Variants in TLR5 observed in about 807,000 individuals in gnomAD.
TLR5 encodes the protein toll-like receptor 5.
For synonymous variants in TLR5, 373 were observed against 384.4 expected (o/e 0.97, Z 0.35); for missense variants, 944 against 999.8 (o/e 0.94, Z 0.75).
At chr1:223,136,338 C>T (rs940135665) in intron 3 of TLR5, among the ~76,000 whole-genome samples, 2 of 152,088 alleles carry the variant, frequency 1.3e-5, no homozygotes, top group African/African-American at 2.4e-5. Context: ...TACCTGCACC[C>T]GAGCCCCTGG....
chr1:223,111,306 T>C lies in TLR5; in HGVS notation c.1726A>G (p.Ile576Val), dbSNP rs1377392277. The change falls in exon 6 of 6, where the codon ATA becomes GTA. Residue 576 changes from isoleucine to valine, a missense_variant. Transcript: ENST00000642603. ...TCACAAATGAACTTGTTATGAGTTA[T>C]ATCCAAGACACTAAGTGATACAAAT... ...DVFVSLSVLD[I>V]THNKFICECE... 1.9e-6 allele frequency: 3 copies of C among 1,614,164 alleles called. No individual in the cohort carries two copies. The highest frequency in any genetic ancestry group is 2.5e-6 in the Non-Finnish European group (3 of 1,180,032).
At position 223,137,706 on chromosome 1, in the gene TLR5, A is replaced by C. The variant is rs554650892; in HGVS notation, c.-438-443T>G. 1.7e-4 allele frequency among the ~76,000 whole-genome samples: 26 copies of C among 152,342 alleles called. 1 individual carries two copies. In the South Asian group the frequency reaches 2.9e-3, roughly 17 times the overall value. ...TAAATGAAATATAACCAAGTGAACA[A>C]TATGAATATTTATCCATATTCCTTT... is the stretch of plus-strand genomic sequence containing the variant. On this transcript the variant is annotated intron_variant, in intron 2 of 5. Transcript: ENST00000642603.
intron 3 of TLR5, among the ~76,000 whole-genome samples, chr1:223,135,464 G>C (rs1483343797): frequency 6.6e-6 from 1 of 152,180 alleles, no homozygotes; most frequent in Admixed American, 6.5e-5. Context: ...TTACTTTCGA[G>C]ATACATGAGA....
chr1:223,135,262 G>T (rs1042770502), intron 3 of TLR5, among the ~76,000 whole-genome samples: 2 of 152,178 alleles, frequency 1.3e-5, no homozygotes, highest in African/African-American at 4.8e-5. Context: ...CTGTAAGCAG[G>T]GACAGGTGAG....
chr1:223,126,714 G>T (rs1338715350), intron 5 of TLR5: 6 of 152,154 alleles, frequency 3.9e-5, no homozygotes, highest in Admixed American at 3.3e-4. Context: ...GAAACCAAGT[G>T]ATTCTCTTAG....
In TLR5 at chr1:223,131,339, C is replaced by T. The variant is rs747619854; in HGVS notation, c.-5+1136G>A. Among the ~76,000 whole-genome samples, 2 of 152,246 alleles carry T rather than the reference C, an allele frequency of 1.3e-5. No individual in the cohort carries two copies. Among genetic ancestry groups the T allele is most frequent in the Non-Finnish European group, 1.5e-5 (1 of 68,046 alleles). Reference sequence around the variant, plus strand: ...CACCCTGCCTTCCTGGCTGTATCTACACTGGCATCCCATCACTGCCTTGTG... The same window carrying T: ...CACCCTGCCTTCCTGGCTGTATCTATACTGGCATCCCATCACTGCCTTGTG... On this transcript the variant is annotated intron_variant, in intron 5 of 5. Transcript: ENST00000642603. The surrounding 1 kb of genome is among the most constrained non-coding windows in gnomAD (Gnocchi z 4.2).
intron 5 of TLR5, among the ~76,000 whole-genome samples, chr1:223,116,644 T>C (rs1390506908): frequency 6.6e-6 from 1 of 152,120 alleles, no homozygotes; most frequent in Admixed American, 6.6e-5. Context: ...TTTCCTTATC[T>C]GGCCCCACCG....
At chr1:223,114,910 T>C (rs530843713) in intron 5 of TLR5, among the ~76,000 whole-genome samples, 21 of 152,280 alleles carry the variant, frequency 1.4e-4, no homozygotes, top group African/African-American at 5.1e-4. Flanking sequence ...GCAAGTCCTG[T>C]TGGTGCCACC....
chr1:223,140,704 T>C (rs1310013709), intron 2 of TLR5, among the ~76,000 whole-genome samples: 2 of 152,156 alleles, frequency 1.3e-5, no homozygotes. Context: ...GCTTCATATA[T>C]CCTCATGCTT....
rs1166658178 is a variant in TLR5 at position 223,132,542 on chromosome 1, T to C, written c.-72A>G. 2.6e-5 allele frequency: 4 copies of C among 152,288 alleles called. No individual in the cohort carries two copies. Among genetic ancestry groups the C allele is most frequent in the Non-Finnish European group, 5.9e-5 (4 of 68,022 alleles). 9.4% of individuals were successfully genotyped at this position (152,288 alleles called of 1,614,324 possible). A position where few individuals can be genotyped will look rare whatever the true frequency, so the allele number is the denominator to read the frequency against. The stretch of plus-strand genomic sequence containing the variant: ...TAGGGGCAGAGGGTCCCTGGTTGTT[T>C]AAAGACTTCAGTTCCTGAGACTATA... On this transcript the variant is annotated 5_prime_UTR_variant, in exon 5 of 6. Coordinates refer to ENST00000642603, the MANE Select transcript of TLR5 (RefSeq NM_003268.6).
At position 223,112,889 on chromosome 1, in the gene TLR5, G is replaced by T. The variant is rs759351018; in HGVS notation, c.143C>A (p.Thr48Asn). The T allele has an allele frequency of 1.2e-6, 2 of 1,614,228 alleles. No homozygotes were observed. Among genetic ancestry groups the T allele is most frequent in the African/African-American group, 1.3e-5 (1 of 75,062 alleles). ...LTQVPQVLNT[T>N]ERLLLSFNYI... ...GTTGAAGCTCAGCAGGAGCCTCTCA[G>T]TGGTGTTGAGGACCTGGGGGACCTG... is the stretch of plus-strand genomic sequence containing the variant. Residue 48 changes from threonine (T) to asparagine (N), a missense_variant, in exon 6 of 6, where the codon ACT (threonine) becomes AAT (asparagine). Coordinates refer to ENST00000642603, the MANE Select transcript of TLR5 (RefSeq NM_003268.6).
chr1:223,129,508 T>G (rs1657315405), intron 5 of TLR5: 1 of 152,168 alleles, frequency 6.6e-6, no homozygotes, highest in African/African-American at 2.4e-5. Flanking sequence ...CCGGACACCG[T>G]GTCAGGCCCG....
rs1318171385 is a variant in TLR5, at chr1:223,111,339, G to A, written c.1693C>T (p.Pro565Ser). 6.2e-7 allele frequency: 1 copy of A among 1,614,134 alleles called. No homozygotes were observed. Among genetic ancestry groups the A allele is most frequent in the Admixed American group, 1.7e-5 (1 of 60,014 alleles). The change falls in exon 6 of 6, where the codon CCT becomes TCT. Residue 565 changes from proline to serine, a missense_variant. Pro to Ser is a moderately conservative substitution (Grantham distance 74). Coordinates refer to ENST00000642603, the MANE Select transcript of TLR5 (RefSeq NM_003268.6). ...ACACTAAGTGATACAAATACATCAG[G>A]ATTAGGAGCTAGGAGCTGGTTCCTG... is the stretch of plus-strand genomic sequence containing the variant. ...ISRNQLLAPN[P>S]DVFVSLSVLD...
In TLR5 at chr1:223,111,048, T is replaced by C; in HGVS notation, c.1984A>G (p.Lys662Glu). 6.2e-7 allele frequency: 1 copy of C among 1,614,168 alleles called. No individual in the cohort carries two copies. The highest frequency in any genetic ancestry group is 8.5e-7 in the Non-Finnish European group (1 of 1,180,030). The change falls in exon 6 of 6, where the codon AAG becomes GAG. Residue 662 changes from lysine to glutamate, a missense_variant. Physicochemically the swap from Lys to Glu is moderately conservative, Grantham distance 56. Coordinates refer to ENST00000642603, the MANE Select transcript of TLR5 (RefSeq NM_003268.6). ...CAGATAAAACAGAAGCCCCGGAACT[T>C]TGTGACTGTGAGGATGGTCATGAGG... The part of the protein sequence containing the change: ...LFLMTILTVT[K>E]FRGFCFICYK...
At chr1:223,114,454 G>GA (rs1190715577) in intron 5 of TLR5, among the ~76,000 whole-genome samples, 4 of 152,160 alleles carry the variant, frequency 2.6e-5, no homozygotes, top group Admixed American at 2.0e-4. Context: ...AGAATGAGAG[G>GA]AAAAATAAAT....
intron 5 of TLR5, among the ~76,000 whole-genome samples, chr1:223,122,572 T>G (rs1449411176): frequency 6.6e-6 from 1 of 152,182 alleles, no homozygotes; most frequent in African/African-American, 2.4e-5. Context: ...CACATAACCT[T>G]TTCCACATCT....
Position 223,112,422 on chromosome 1 carries a change from C to A in TLR5, c.610G>T (p.Ala204Ser). Residue 204 changes from alanine to serine, a missense_variant, in exon 6 of 6, where the codon GCA becomes TCA. Ala to Ser is a moderately conservative substitution (Grantham distance 99, BLOSUM62 1). Transcript: ENST00000642603. ...ACTCTGCTATACAAGCTATTAGCTG[C>A]GAGGCTAAAAAAGGAGAGCGTTTTC... Reference protein sequence around the residue: ...QGKTLSFFSLAANSLYSRVSV... With the variant: ...QGKTLSFFSLSANSLYSRVSV... 6.2e-7 allele frequency: 1 copy of A among 1,614,166 alleles called. No individual in the cohort carries two copies. The highest frequency in any genetic ancestry group is 8.5e-7 in the Non-Finnish European group (1 of 1,180,034).
chr1:223,117,833 T>C (rs1295880445), intron 5 of TLR5, among the ~76,000 whole-genome samples: 2 of 152,182 alleles, frequency 1.3e-5, no homozygotes, highest in Non-Finnish European at 2.9e-5. Flanking sequence ...ATAATGTATG[T>C]CAATGAAAAG....
chr1:223,126,312 T>C (rs2430402), intron 5 of TLR5, among the ~76,000 whole-genome samples: 100,523 of 151,980 alleles, frequency 0.66, 34,507 homozygotes, highest in African/African-American at 0.85. Flanking sequence ...AATTCAGAGA[T>C]AGGAAGCAGA....
Sources: gnomAD v4.1 joint callset for allele counts (sites outside exome capture counted in the v4.1 genomes callset) on GRCh38, gnomAD v4.1.1 for gene constraint, Gnocchi (gnomAD v3.1) non-coding constraint, MANE v1.5 for transcripts, NCBI Gene and HGNC (gene_info 2026-07-23, HGNC 2026-07-21) for gene names.